SNX5: variants seen among roughly 807,000 people sequenced by gnomAD.
SNX5 encodes the protein sorting nexin-5.
A neutral mutation model predicts 53.9 loss-of-function variants in SNX5; 31 were observed. That is an observed-to-expected ratio of 0.58 (90% CI 0.43 to 0.78). The LOEUF is 0.78. Among genes scored for constraint, SNX5 ranks in the 30% least tolerant of loss-of-function variants. SNX5 has a pLI of 0.00. For missense variants in SNX5, 471 were observed against 478.8 expected (o/e 0.98, Z 0.15); for synonymous variants, 168 against 171.1 (o/e 0.98, Z 0.14).
chr20:17,953,547 A>G (rs2328230), intron 4 of SNX5, among the ~76,000 whole-genome samples: 105,171 of 152,056 alleles, frequency 0.69, 36,694 homozygotes, highest in African/African-American at 0.78. Context: ...GGGAGGCAAA[A>G]GCAAGCTGAT....
In SNX5 at chr20:17,949,072, T is replaced by C; in HGVS notation, c.823A>G (p.Lys275Glu). The C allele has an allele frequency of 6.2e-7, 1 of 1,613,386 alleles. No individual in the cohort carries two copies. Among genetic ancestry groups the C allele is most frequent in the South Asian group, 1.1e-5 (1 of 91,054 alleles). The change falls in exon 9 of 13, where the codon AAA becomes GAA. Residue 275 changes from lysine (K) to glutamate (E), a missense_variant. Coordinates refer to ENST00000377759, the MANE Select transcript of SNX5 (RefSeq NM_014426.4). Reference sequence around the variant, plus strand: ...AACACAGAAATCCTTACCCTTAGTTTTTCAAATAGCTCAGCAACCTTCAAT... The same window carrying C: ...AACACAGAAATCCTTACCCTTAGTTCTTCAAATAGCTCAGCAACCTTCAAT... ...YLLKVAELFE[K>E]LRKVEGRVSS... is the part of the protein sequence containing the mutation.
At chr20:17,955,645 A>C (rs1313924686) in intron 2 of SNX5, among the ~76,000 whole-genome samples, 170 bp from the exon 3 acceptor site, 1 of 152,242 alleles carries the variant, frequency 6.6e-6, no homozygotes, top group Non-Finnish European at 1.5e-5. Flanking sequence ...CTAAGATTCA[A>C]CCTGAACTCT....
Position 17,942,422 on chromosome 20 carries a change from G to A in SNX5, c.1165-15C>T, listed in dbSNP as rs1402044913. The A allele has an allele frequency of 1.3e-5, 21 of 1,603,590 alleles. No individual in the cohort carries two copies. Among genetic ancestry groups the A allele is most frequent in the Non-Finnish European group, 1.6e-5 (19 of 1,170,776 alleles). ...GAGACATTGTTCTGTGGGGAAAAAA[G>A]GCAAGGCAGACCAGTGAATTATTAA... On this transcript the variant is annotated splice_polypyrimidine_tract_variant and intron_variant, in intron 12 of 12. Transcript: ENST00000377759.
chr20:17,968,018 TAA>T, intron 1 of SNX5: 1 of 398,456 alleles, frequency 2.5e-6, no homozygotes, highest in Non-Finnish European at 4.4e-6. Flanking sequence ...TGTCGCATGT[TAA>T]GTCAATTTCA....
At position 17,952,672 on chromosome 20, in the gene SNX5, T is replaced by C. The variant is rs747509316; in HGVS notation, c.428A>G (p.His143Arg). The part of the protein sequence containing the change: ...LAVFKKTVSS[H>R]EVFLQRLSSH... ...AGAAAGCCGCTGAAGAAAGACTTCA[T>C]GGGAGGACACAGTCTTCTTAAACAC... Residue 143 changes from histidine to arginine, a missense_variant, in exon 5 of 13, where the codon CAT becomes CGT. Transcript: ENST00000377759. 2 of 1,614,086 alleles carry C rather than the reference T, an allele frequency of 1.2e-6. No individual in the cohort carries two copies. Among genetic ancestry groups the C allele is most frequent in the Admixed American group, 3.3e-5 (2 of 60,008 alleles).
rs538991223 is a variant in SNX5 at position 17,962,406 on chromosome 20, T to C, written c.52-5369A>G. Among the ~76,000 whole-genome samples the C allele has an allele frequency of 4.7e-5, 7 of 149,664 alleles. No homozygotes were observed. The East Asian group carries it at 1.2e-3, about 25-fold the overall frequency. ...TTTTAGTAGAGACAGGGTTTCACCA[T>C]GTTGGTCAGGCTGGTCTCTAACTCC... On this transcript the variant is annotated intron_variant, in intron 1 of 12. Transcript: ENST00000377759.
At position 17,943,094 on chromosome 20, in the gene SNX5, T is replaced by C; in HGVS notation, c.1164+16A>G. On this transcript the variant is annotated intron_variant, in intron 12 of 12. Transcript: ENST00000377759. ...AACCATAAAAGATGTTGGCTTCATCTGTAGAAAACACTTACCCTGGCATGT... is the reference window on the plus strand; with the variant it reads ...AACCATAAAAGATGTTGGCTTCATCCGTAGAAAACACTTACCCTGGCATGT... The C allele has an allele frequency of 6.5e-7, 1 of 1,527,886 alleles. No individual in the cohort carries two copies. The highest frequency in any genetic ancestry group is 9.1e-7 in the Non-Finnish European group (1 of 1,103,760). The allele number at this position is 1,527,886 out of a possible 1,614,324, so 94.6% of individuals were successfully genotyped here.
chr20:17,961,318 C>G, intron 1 of SNX5: 2 of 985,366 alleles, frequency 2.0e-6, no homozygotes, highest in Non-Finnish European at 2.4e-6. Flanking sequence ...GCAAAGGGCA[C>G]CTGGATGACT....
intron 2 of SNX5, 63 bp from the exon 3 acceptor site, chr20:17,955,538 T>C (rs1366998108): frequency 1.3e-5 from 15 of 1,148,722 alleles, no homozygotes; most frequent in South Asian, 3.8e-5. Flanking sequence ...CTGGGTTTCC[T>C]AGGCTACACA....
Position 17,942,385 on chromosome 20 carries a change from C to T in SNX5, c.1187G>A (p.Ser396Asn). 1 of 1,611,804 alleles carries T rather than the reference C, an allele frequency of 6.2e-7. No homozygotes were observed. Among genetic ancestry groups the T allele is most frequent in the South Asian group, 1.1e-5 (1 of 91,040 alleles). The change falls in exon 13 of 13, where the codon AGC (serine) becomes AAC (asparagine). Residue 396 changes from serine to asparagine, a missense_variant. Transcript: ENST00000377759. ...GTTATTCTTGAACAAGTCAATACAG[C>T]TCTGCAAAAGGGAGACATTGTTCTG... The part of the protein sequence containing the change: ...HARNNVSLLQ[S>N]CIDLFKNN
intron 11 of SNX5, among the ~76,000 whole-genome samples, chr20:17,946,228 A>G (rs2039485945): frequency 6.6e-6 from 1 of 152,248 alleles, no homozygotes; most frequent in Non-Finnish European, 1.5e-5. Flanking sequence ...GCAACGGCAT[A>G]TGTGTGCACA....
At chr20:17,961,687 G>A (rs753403068) in intron 1 of SNX5, 46 of 984,674 alleles carry the variant, frequency 4.7e-5, no homozygotes, top group Non-Finnish European at 5.5e-5. Flanking sequence ...TACTTAAGCA[G>A]CACATGCTAC....
In SNX5 at chr20:17,965,791, G is replaced by C. The variant is rs75469378; in HGVS notation, c.51+2584C>G. On this transcript the variant is annotated intron_variant, in intron 1 of 12. Transcript: ENST00000377759. ...CTTAAGACACCGAGTACAAGTTACT[G>C]AACTAGAACTAAGGCGTGGGAAGCT... is the stretch of plus-strand genomic sequence containing the variant. Among the ~76,000 whole-genome samples the C allele has an allele frequency of 2.6e-5, 4 of 152,050 alleles. No homozygotes were observed. In the East Asian group the frequency reaches 7.7e-4, roughly 29 times the overall value.
chr20:17,950,111 T>C (rs747799770), intron 8 of SNX5, 21 bp downstream of exon 8: 2 of 1,610,052 alleles, frequency 1.2e-6, no homozygotes, highest in Non-Finnish European at 1.7e-6. Flanking sequence ...TTAGGGGAAA[T>C]GCTTTTCCAA....
intron 1 of SNX5, 88 bp downstream of exon 1, chr20:17,968,287 G>C (rs866660868): frequency 2.7e-6 from 3 of 1,112,442 alleles, no homozygotes; most frequent in Non-Finnish European, 3.4e-6. Context: ...GAGCAGCCAC[G>C]GCCTATGGAC....
At chr20:17,957,979 T>C (rs868266498) in intron 1 of SNX5, among the ~76,000 whole-genome samples, 1 of 113,086 alleles carries the variant, frequency 8.8e-6, no homozygotes, top group African/African-American at 3.4e-5. Context: ...GGAAAAAAAC[T>C]ACCTAACTCC....
intron 1 of SNX5, among the ~76,000 whole-genome samples, chr20:17,964,238 G>A (rs1323027648): frequency 1.3e-5 from 2 of 152,172 alleles, no homozygotes; most frequent in Non-Finnish European, 2.9e-5. Context: ...ACCCTGACAA[G>A]GGAGCCATCT....
At position 17,942,326 on chromosome 20, in the gene SNX5, A is replaced by G. The variant is rs371955197; in HGVS notation, c.*31T>C. On this transcript the variant is annotated 3_prime_UTR_variant, in exon 13 of 13. Coordinates refer to ENST00000377759, the MANE Select transcript of SNX5 (RefSeq NM_014426.4). ...CAAGTGATGCTTGGCTTTCTTTCACATTCATTTCTTTTCTTCTGAGTGAAG... is the reference window on the plus strand; with the variant it reads ...CAAGTGATGCTTGGCTTTCTTTCACGTTCATTTCTTTTCTTCTGAGTGAAG... The G allele has an allele frequency of 4.9e-4, 715 of 1,465,046 alleles. No homozygotes were observed. Among genetic ancestry groups the G allele is most frequent in the Non-Finnish European group, 6.0e-4 (632 of 1,044,640 alleles). 90.8% of individuals were successfully genotyped at this position (1,465,046 alleles called of 1,614,324 possible). A position where few individuals can be genotyped will look rare whatever the true frequency, so the allele number is the denominator to read the frequency against.
chr20:17,948,132 T>C (rs2039511737), intron 10 of SNX5, among the ~76,000 whole-genome samples: 1 of 152,248 alleles, frequency 6.6e-6, no homozygotes, highest in Non-Finnish European at 1.5e-5. Context: ...GAGTAGAAGT[T>C]ACTTTAGTAT....
Sources: allele counts gnomAD v4.1 joint callset (sites outside exome capture counted in the v4.1 genomes callset), GRCh38; gene constraint gnomAD v4.1.1; transcripts MANE v1.5; gene names NCBI Gene and HGNC (gene_info 2026-07-23, HGNC 2026-07-21).